Variants in WWTR1 observed in about 807,000 individuals in gnomAD.
WWTR1 encodes WW domain containing transcription regulator 1.
In WWTR1, 13 loss-of-function variants were observed where a neutral mutation model predicts 40.1. That is an observed-to-expected ratio of 0.32 (90% CI 0.21 to 0.52). WWTR1 has a LOEUF of 0.52. WWTR1 is among the 20% of genes least tolerant of loss of function. WWTR1 has a pLI of 0.97. For synonymous variants in WWTR1, 230 were observed against 210.1 expected (o/e 1.09, Z -0.82); for missense variants, 436 against 523.1 (o/e 0.83, Z 1.63).
chr3:149,704,381 G>C (rs1715277926), upstream of WWTR1, among the ~76,000 whole-genome samples: 1 of 152,102 alleles, frequency 6.6e-6, no homozygotes, highest in African/African-American at 2.4e-5. Flanking sequence ...CATTTCCCAG[G>C]GTAGGCTACC....
In WWTR1 at chr3:149,674,056, C is replaced by CAAAAAAA. The variant is rs71138404; in HGVS notation, c.-107-4172_-107-4166dup. Among the ~76,000 whole-genome samples the CAAAAAAA allele has an allele frequency of 1.2e-4, 15 of 121,866 alleles. 1 individual carries two copies. Among genetic ancestry groups the CAAAAAAA allele is most frequent in the Non-Finnish European group, 1.2e-4 (7 of 60,366 alleles). The allele number at this position is 121,866 out of a possible 152,430, so 79.9% of individuals were successfully genotyped here. ...GCAACATAGTAAGACCTCGTCTCTA[C>CAAAAAAA]AAAAAAAAAAAAATTAGCTGGGCAT... On this transcript the variant is annotated intron_variant, in intron 1 of 7. Transcript: ENST00000465804.
chr3:149,654,848 G>T (rs796814109), intron 2 of WWTR1, among the ~76,000 whole-genome samples: 1 of 151,622 alleles, frequency 6.6e-6, no homozygotes, highest in Non-Finnish European at 1.5e-5. Context: ...CTGGGGCCAG[G>T]CGTGGTGGCT....
At chr3:149,604,839 T>A (rs1364835730) in intron 2 of WWTR1, among the ~76,000 whole-genome samples, 2 of 152,136 alleles carry the variant, frequency 1.3e-5, no homozygotes, top group Non-Finnish European at 2.9e-5. Context: ...AAACCAGGCA[T>A]AGAGAAAGGC....
rs751414299 is a variant in WWTR1, at chr3:149,657,046, C to G, written c.261G>C (p.Ser87=). The change falls in exon 2 of 7, where the codon TCG becomes TCC. Residue 87 remains serine, a synonymous_variant. Transcript: ENST00000360632. ...GCTGCAGGGACGCGGGCGACGAGTG[C>G]GAGCGGACATGCTGGGCACCCCCAG... ...RLAGGAQHVR[S]HSSPASLQLG... 4.4e-6 allele frequency: 7 copies of G among 1,577,624 alleles called. No individual in the cohort carries two copies. The African/African-American group carries it at 6.7e-5, about 15-fold the overall frequency.
intron 2 of WWTR1, among the ~76,000 whole-genome samples, chr3:149,620,382 C>A (rs1740210841): frequency 6.6e-6 from 1 of 152,172 alleles, no homozygotes; most frequent in South Asian, 2.1e-4. Flanking sequence ...TAAATTGAGG[C>A]AACCACAGAA....
At chr3:149,616,294 T>C (rs960091318) in intron 2 of WWTR1, among the ~76,000 whole-genome samples, 1 of 152,194 alleles carries the variant, frequency 6.6e-6, no homozygotes, top group African/African-American at 2.4e-5. Flanking sequence ...CACCCTTTCT[T>C]TCTGCCTATG....
chr3:149,586,707 A>G (rs1738446899), intron 2 of WWTR1, among the ~76,000 whole-genome samples: 1 of 152,094 alleles, frequency 6.6e-6, no homozygotes, highest in Admixed American at 6.6e-5. Flanking sequence ...GCCAGGGGGA[A>G]CCAACCACAT....
intron 2 of WWTR1, among the ~76,000 whole-genome samples, chr3:149,578,107 C>A (rs1737974878): frequency 6.6e-6 from 1 of 150,940 alleles, no homozygotes; most frequent in Non-Finnish European, 1.5e-5. Context: ...TCACCATGGC[C>A]CATGAAATAA....
intron 2 of WWTR1, among the ~76,000 whole-genome samples, chr3:149,642,664 A>G (rs1169731756): frequency 6.6e-6 from 1 of 151,482 alleles, no homozygotes; most frequent in East Asian, 1.9e-4. Context: ...AGTACCAGCT[A>G]TTCGGGAGGC....
chr3:149,560,483 A>G (rs919143174), intron 3 of WWTR1, among the ~76,000 whole-genome samples: 15 of 152,230 alleles, frequency 9.9e-5, no homozygotes, highest in African/African-American at 3.4e-4. Flanking sequence ...GGATGATCCA[A>G]TTCCATTTGG....
chr3:149,541,027 G>A (rs763877279), intron 4 of WWTR1: 10 of 456,108 alleles, frequency 2.2e-5, no homozygotes, highest in African/African-American at 1.0e-4. Context: ...TAACATGCTC[G>A]GTCCTTTCCT....
chr3:149,654,128 T>TA (rs11394888), intron 2 of WWTR1, among the ~76,000 whole-genome samples: 56,671 of 148,578 alleles, frequency 0.38, 11,113 homozygotes, highest in Middle Eastern at 0.58. Flanking sequence ...ATAAAAAAAT[T>TA]AAAAAAAAAA....
At chr3:149,540,982 T>C (rs1736073096) in intron 4 of WWTR1, 2 of 453,260 alleles carry the variant, frequency 4.4e-6, no homozygotes, top group African/African-American at 4.0e-5. Flanking sequence ...TTTTTGAAAG[T>C]ATCAAATGTA....
intron 2 of WWTR1, among the ~76,000 whole-genome samples, chr3:149,619,732 C>T (rs555192804): frequency 6.6e-6 from 1 of 152,300 alleles, no homozygotes; most frequent in Admixed American, 6.5e-5. Context: ...TTCAAGCCTA[C>T]TACTTTAGGT....
intron 2 of WWTR1, among the ~76,000 whole-genome samples, chr3:149,619,808 G>T (rs57273268): frequency 6.0e-4 from 92 of 152,296 alleles, no homozygotes; most frequent in African/African-American, 2.0e-3. Flanking sequence ...GGTGGCCCCA[G>T]TAATATTGCC....
chr3:149,540,901 A>G, intron 4 of WWTR1: 1 of 379,356 alleles, frequency 2.6e-6, no homozygotes, highest in South Asian at 2.0e-5. Flanking sequence ...ACCTCACACA[A>G]TATAGATTTC....
chr3:149,651,434 C>A (rs949747977), intron 2 of WWTR1, among the ~76,000 whole-genome samples: 1 of 152,106 alleles, frequency 6.6e-6, no homozygotes, highest in Non-Finnish European at 1.5e-5. Context: ...CAGTTCAGAA[C>A]GGCACAGAAC....
At chr3:149,528,590 G>C (rs753641766) in intron 4 of WWTR1, among the ~76,000 whole-genome samples, 1 of 152,076 alleles carries the variant, frequency 6.6e-6, no homozygotes, top group African/African-American at 2.4e-5. Flanking sequence ...CCACAAGTTC[G>C]AGACCAGCCT....
chr3:149,707,378 T>C (rs1715359848), upstream of WWTR1, among the ~76,000 whole-genome samples: 1 of 152,180 alleles, frequency 6.6e-6, no homozygotes, highest in Admixed American at 6.5e-5. Context: ...TCTGTTTTGG[T>C]GACTTAATAG....
Sources: allele counts gnomAD v4.1 joint callset (sites outside exome capture counted in the v4.1 genomes callset), GRCh38; gene constraint gnomAD v4.1.1; transcripts MANE v1.5; gene names NCBI Gene and HGNC (gene_info 2026-07-23, HGNC 2026-07-21).